Variants in TRAPPC8 observed in about 807,000 individuals in gnomAD.
The protein encoded by TRAPPC8 is general sporulation gene 1 homolog.
Under a neutral mutation model 174.3 loss-of-function variants are expected in TRAPPC8, and 54 were observed. That is an observed-to-expected ratio of 0.31 (90% CI 0.25 to 0.39). The LOEUF is 0.39. Ranked by LOEUF, TRAPPC8 falls within the 10% of genes least tolerant of loss-of-function variation. The pLI is 1.00. For missense variants in TRAPPC8, 1,531 were observed against 1,699.1 expected (o/e 0.90, Z 1.74); for synonymous variants, 630 against 579.9 (o/e 1.09, Z -1.24).
chr18:31,841,291 T>TA (rs1460586097), intron 26 of TRAPPC8, among the ~76,000 whole-genome samples: 12 of 152,140 alleles, frequency 7.9e-5, no homozygotes, highest in Admixed American at 7.9e-4. Context: ...TTTTTTGTTT[T>TA]AAATTTTTTA....
rs756261904 is a variant in TRAPPC8, at chr18:31,853,945, T to C, written c.3337A>G (p.Ser1113Gly). The change falls in exon 22 of 29, where the codon AGT becomes GGT. Residue 1113 changes from serine (S) to glycine (G), a missense_variant and splice_region_variant. Physicochemically the swap from Ser to Gly is moderately conservative, Grantham distance 56. Transcript: ENST00000283351. Reference protein sequence around the residue: ...VFVDVENTNTSEAGVKEFHIV... With the variant: ...VFVDVENTNTGEAGVKEFHIV... ...TGGAATTCCTTAACGCCTGCTTCAC[T>C]CTGTCAAAAAAAAAGATAGGAGTCA... The C allele has an allele frequency of 1.7e-5, 28 of 1,601,652 alleles. No homozygotes were observed. In the Admixed American group the frequency reaches 1.9e-4, roughly 11 times the overall value.
intron 9 of TRAPPC8, among the ~76,000 whole-genome samples, chr18:31,905,621 T>C (rs1339957870): frequency 6.6e-6 from 1 of 152,188 alleles, no homozygotes; most frequent in African/African-American, 2.4e-5. Context: ...AAGGTACCAT[T>C]TAATGTTTTT....
intron 26 of TRAPPC8, among the ~76,000 whole-genome samples, chr18:31,842,623 G>C (rs1046502945): frequency 5.3e-5 from 8 of 152,164 alleles, no homozygotes; most frequent in African/African-American, 1.7e-4. Flanking sequence ...CTGATGGACA[G>C]TTTCTTTCTT....
intron 26 of TRAPPC8, among the ~76,000 whole-genome samples, chr18:31,846,449 C>G (rs2145014151): frequency 6.6e-6 from 1 of 152,190 alleles, no homozygotes; most frequent in Non-Finnish European, 1.5e-5. Flanking sequence ...GTGGCACACA[C>G]CTGTAGTCTC....
chr18:31,936,861 G>A (rs575453214), intron 1 of TRAPPC8, among the ~76,000 whole-genome samples: 2 of 133,926 alleles, frequency 1.5e-5, no homozygotes, highest in Non-Finnish European at 3.1e-5. Context: ...AAGATTGTGC[G>A]ACGGCACTGC....
intron 14 of TRAPPC8, among the ~76,000 whole-genome samples, chr18:31,873,007 CTTTTTTTTTTTTTTTT>C (rs59209328): frequency 1.3e-5 from 1 of 74,600 alleles, no homozygotes; most frequent in South Asian, 6.6e-4. Flanking sequence ...ATTCATTTTC[CTTTTTTTTTTTTTTTT>C]TTTTTTTTTT....
rs1469326128 is a variant in TRAPPC8 at position 31,857,893 on chromosome 18, A to G, written c.2835T>C (p.Leu945=). 9 of 1,614,198 alleles carry G rather than the reference A, an allele frequency of 5.6e-6. No individual in the cohort carries two copies. Among genetic ancestry groups the G allele is most frequent in the Non-Finnish European group, 7.6e-6 (9 of 1,180,026 alleles). ...GTTTAGAAACAACCTTCAATCCAGT[A>G]AGTGGACATTTGCTGACATTGACAA... ...VEFVNVSKCP[L]TGLKVVSKRP... Residue 945 remains leucine, a synonymous_variant, in exon 20 of 29, where the codon CTT becomes CTC. Transcript: ENST00000283351.
chr18:31,926,656 G>A (rs752488935), intron 2 of TRAPPC8: 1 of 152,054 alleles, frequency 6.6e-6, no homozygotes, highest in Non-Finnish European at 1.5e-5. Context: ...GGCTGGTCTT[G>A]AACTCCTGAC....
chr18:31,847,294 A>T (rs958867276), intron 25 of TRAPPC8, among the ~76,000 whole-genome samples: 2 of 152,146 alleles, frequency 1.3e-5, no homozygotes, highest in East Asian at 1.9e-4. Flanking sequence ...CATATGCTTT[A>T]AAAAAGGCTT....
At chr18:31,914,769 C>A (rs1359103631) in intron 4 of TRAPPC8, among the ~76,000 whole-genome samples, 1 of 152,122 alleles carries the variant, frequency 6.6e-6, no homozygotes, top group Non-Finnish European at 1.5e-5. Context: ...AAATAAGCTC[C>A]AAAGCCATGC....
At chr18:31,888,631 G>A (rs758200071) in intron 12 of TRAPPC8, among the ~76,000 whole-genome samples, 4 of 152,192 alleles carry the variant, frequency 2.6e-5, no homozygotes, top group Non-Finnish European at 5.9e-5. Context: ...CATGGAGGAA[G>A]CTGGAAGCCA....
chr18:31,924,310 T>C (rs2037517564), intron 2 of TRAPPC8, among the ~76,000 whole-genome samples: 1 of 144,184 alleles, frequency 6.9e-6, no homozygotes, highest in Non-Finnish European at 1.5e-5. Flanking sequence ...AAAAATTAGT[T>C]GGGCGTCGTG....
intron 1 of TRAPPC8, among the ~76,000 whole-genome samples, chr18:31,936,027 A>G (rs2038082577): frequency 6.6e-6 from 1 of 151,294 alleles, no homozygotes; most frequent in Non-Finnish European, 1.5e-5. Flanking sequence ...GTGAGCCACC[A>G]CACCTGGCAC....
intron 9 of TRAPPC8, among the ~76,000 whole-genome samples, chr18:31,903,757 G>C (rs1412758844): frequency 6.6e-6 from 1 of 152,068 alleles, no homozygotes; most frequent in Admixed American, 6.6e-5. Flanking sequence ...TGGGCACAGT[G>C]GCTCACACCT....
chr18:31,886,002 A>AATC (rs1555670800), intron 12 of TRAPPC8, among the ~76,000 whole-genome samples: 1 of 150,848 alleles, frequency 6.6e-6, no homozygotes, highest in Non-Finnish European at 1.5e-5. Context: ...ATTGTTTCCA[A>AATC]ATTATTATTA....
chr18:31,897,845 A>G lies in TRAPPC8; in HGVS notation c.1537T>C (p.Leu513=), dbSNP rs746150086. 5.4e-5 allele frequency: 87 copies of G among 1,611,616 alleles called. No individual in the cohort carries two copies. The highest frequency in any genetic ancestry group is 7.0e-5 in the Non-Finnish European group (82 of 1,178,518). ...ERCVLLSAEL[L]KSQSKYSEAA... is the part of the protein sequence containing the mutation. Reference sequence around the variant, plus strand: ...TCTGAATATTTGCTTTGGCTTTTTAAAAGTTCAGCACTAAGCAACACACAT... The same window carrying G: ...TCTGAATATTTGCTTTGGCTTTTTAGAAGTTCAGCACTAAGCAACACACAT... Residue 513 remains leucine, a synonymous_variant, in exon 11 of 29, where the codon TTA becomes CTA. Transcript: ENST00000283351.
At chr18:31,940,337 C>T (rs1020523134) in intron 1 of TRAPPC8, among the ~76,000 whole-genome samples, 2 of 151,352 alleles carry the variant, frequency 1.3e-5, no homozygotes, top group East Asian at 2.0e-4. Context: ...AAGCCGTGAG[C>T]GCCTGTAATC....
chr18:31,922,801 T>C (rs569586188), intron 2 of TRAPPC8, among the ~76,000 whole-genome samples: 28 of 152,126 alleles, frequency 1.8e-4, no homozygotes, highest in Non-Finnish European at 3.5e-4. Flanking sequence ...GCTGATCACT[T>C]GAGCCCAGGA....
intron 19 of TRAPPC8, among the ~76,000 whole-genome samples, chr18:31,860,099 G>A (rs771823846): frequency 1.3e-5 from 2 of 151,832 alleles, no homozygotes; most frequent in Non-Finnish European, 2.9e-5. Flanking sequence ...TGATATTTGT[G>A]ATAGCTTCAA....
Sources: allele counts gnomAD v4.1 joint callset (sites outside exome capture counted in the v4.1 genomes callset), GRCh38; gene constraint gnomAD v4.1.1; transcripts MANE v1.5; gene names NCBI Gene and HGNC (gene_info 2026-07-23, HGNC 2026-07-21).